The following SH3RF3 variants were observed in gnomAD, a reference collection of about 807,000 sequenced individuals.
The protein encoded by SH3RF3 is E3 ubiquitin-protein ligase SH3RF3.
Under a neutral mutation model 66.3 loss-of-function variants are expected in SH3RF3, and 29 were observed. The ratio of observed to expected loss-of-function variants is 0.44; its 90% confidence interval spans 0.33 to 0.60. The LOEUF (loss-of-function observed/expected upper bound fraction) is 0.60. Ranked by LOEUF, SH3RF3 falls within the 20% of genes least tolerant of loss-of-function variation. SH3RF3 has a pLI of 0.04. For synonymous variants in SH3RF3, 583 were observed against 532.0 expected, an observed-to-expected ratio of 1.10 and a Z score of -1.32; for missense variants, 1,194 against 1,190.9, an observed-to-expected ratio of 1.00 and a Z score of -0.04.
intron 1 of SH3RF3, among the ~76,000 whole-genome samples, chr2:109,263,157 G>A (rs765586505): frequency 1.3e-5 from 2 of 152,114 alleles, no homozygotes; most frequent in Non-Finnish European, 2.9e-5. Context: ...CAATCACTTT[G>A]TTAAATGAGT....
intron 3 of SH3RF3, among the ~76,000 whole-genome samples, chr2:109,376,155 G>A (rs907536766): frequency 1.3e-5 from 2 of 152,232 alleles, no homozygotes; most frequent in African/African-American, 4.8e-5. Flanking sequence ...CCATTGCTGT[G>A]TTGATTGAAG....
At chr2:109,134,750 C>T (rs549725870) in intron 1 of SH3RF3, among the ~76,000 whole-genome samples, 7 of 152,142 alleles carry the variant, frequency 4.6e-5, no homozygotes, top group African/African-American at 1.2e-4. Context: ...GTTGGTAGCA[C>T]GATTCTAAAC....
At chr2:109,388,107 C>G (rs756861993) in intron 3 of SH3RF3, among the ~76,000 whole-genome samples, 6 of 152,194 alleles carry the variant, frequency 3.9e-5, no homozygotes, top group Admixed American at 1.3e-4. Context: ...ACACATTCAC[C>G]ATCCTACGCC....
intron 7 of SH3RF3, among the ~76,000 whole-genome samples, chr2:109,444,291 G>A (rs1677649571): frequency 6.6e-6 from 1 of 152,200 alleles, no homozygotes. Flanking sequence ...ATGTGATGTT[G>A]TTGTAAAGAT....
At chr2:109,153,902 T>A (rs1473451099) in intron 1 of SH3RF3, among the ~76,000 whole-genome samples, 1 of 152,226 alleles carries the variant, frequency 6.6e-6, no homozygotes, top group Non-Finnish European at 1.5e-5. Flanking sequence ...CTACACCAGT[T>A]GCAGGGCCGA....
At chr2:109,145,990 G>T (rs923196189) in intron 1 of SH3RF3, among the ~76,000 whole-genome samples, 1 of 152,176 alleles carries the variant, frequency 6.6e-6, no homozygotes, top group Non-Finnish European at 1.5e-5. Flanking sequence ...GGGCTTGGCA[G>T]TGTGACCTCC....
chr2:109,205,383 G>A (rs1678787443), intron 1 of SH3RF3, among the ~76,000 whole-genome samples: 1 of 151,798 alleles, frequency 6.6e-6, no homozygotes, highest in African/African-American at 2.4e-5. Flanking sequence ...CTACAGGCAT[G>A]CATCACCATG....
At chr2:109,464,696 G>T (rs2104698469) in intron 8 of SH3RF3, among the ~76,000 whole-genome samples, 1 of 152,250 alleles carries the variant, frequency 6.6e-6, no homozygotes, top group South Asian at 2.1e-4. Flanking sequence ...GAAAAACTGA[G>T]CAGAAAATGC....
At chr2:109,416,626 G>A (rs1160157554) in intron 4 of SH3RF3, among the ~76,000 whole-genome samples, 2 of 150,896 alleles carry the variant, frequency 1.3e-5, no homozygotes, top group African/African-American at 4.9e-5. Flanking sequence ...CACATGATCT[G>A]CCCGCCTCAG....
chr2:109,493,344 C>T (rs914812405), intron 9 of SH3RF3, among the ~76,000 whole-genome samples: 4 of 136,820 alleles, frequency 2.9e-5, no homozygotes, highest in South Asian at 2.3e-4. Flanking sequence ...ACCCCACATA[C>T]GTCATACAAA....
At chr2:109,460,375 C>T (rs1480552746) in intron 8 of SH3RF3, among the ~76,000 whole-genome samples, 1 of 152,290 alleles carries the variant, frequency 6.6e-6, no homozygotes, top group East Asian at 1.9e-4. Flanking sequence ...GGAGTGGTGA[C>T]ATGCTGGGGA....
intron 2 of SH3RF3, among the ~76,000 whole-genome samples, chr2:109,365,706 T>G (rs960292857): frequency 9.2e-5 from 14 of 152,222 alleles, no homozygotes; most frequent in African/African-American, 2.4e-5. Context: ...TTCATTGATC[T>G]TCTTATCAAG....
At chr2:109,137,762 G>T (rs911070972) in intron 1 of SH3RF3, among the ~76,000 whole-genome samples, 1 of 152,336 alleles carries the variant, frequency 6.6e-6, no homozygotes, top group South Asian at 2.1e-4. Context: ...CTGATCAGCC[G>T]TTGTTTTTGC....
intron 1 of SH3RF3, among the ~76,000 whole-genome samples, chr2:109,344,585 T>C (rs1682639556): frequency 6.6e-6 from 1 of 152,206 alleles, no homozygotes; most frequent in Admixed American, 6.5e-5. Context: ...CATTTGGGCA[T>C]CCAGCCCATG....
intron 1 of SH3RF3, among the ~76,000 whole-genome samples, chr2:109,242,507 C>A (rs1679809790): frequency 6.6e-6 from 1 of 152,180 alleles, no homozygotes. Context: ...TGATTGGCCA[C>A]TGGAGAAGCG....
chr2:109,344,141 C>T (rs919295925), intron 1 of SH3RF3, among the ~76,000 whole-genome samples: 5 of 152,178 alleles, frequency 3.3e-5, no homozygotes, highest in African/African-American at 1.2e-4. Context: ...ATAGAGGGGA[C>T]CTGCTACGCA....
chr2:109,303,255 C>G (rs1681513242), intron 1 of SH3RF3, among the ~76,000 whole-genome samples: 1 of 152,306 alleles, frequency 6.6e-6, no homozygotes, highest in South Asian at 2.1e-4. Flanking sequence ...ATCTGAGGAC[C>G]ACCTCCCTCA....
chr2:109,440,493 A>G (rs1320563376), intron 7 of SH3RF3, among the ~76,000 whole-genome samples: 1 of 152,248 alleles, frequency 6.6e-6, no homozygotes, highest in East Asian at 1.9e-4. Flanking sequence ...ACATAGTCAT[A>G]TTTTTGTATT....
At chr2:109,290,516 A>G (rs1681141257) in intron 1 of SH3RF3, among the ~76,000 whole-genome samples, 1 of 152,222 alleles carries the variant, frequency 6.6e-6, no homozygotes, top group Non-Finnish European at 1.5e-5. Context: ...ACTGTCTCCT[A>G]CACATATTAT....
Sources: allele counts gnomAD v4.1 joint callset (sites outside exome capture counted in the v4.1 genomes callset), GRCh38; gene constraint gnomAD v4.1.1; transcripts MANE v1.5; gene names NCBI Gene and HGNC (gene_info 2026-07-23, HGNC 2026-07-21).